The following MRPL19 variants were observed in gnomAD, a reference collection of about 807,000 sequenced individuals.
The protein encoded by MRPL19 is mitochondrial ribosomal protein L19.
Under a neutral mutation model 34.0 loss-of-function variants are expected in MRPL19, and 31 were observed. That is an observed-to-expected ratio of 0.91 (90% confidence interval 0.68 to 1.23). The LOEUF is 1.23. MRPL19 is among the 50% of genes most tolerant of loss of function. The pLI is 0.00. For synonymous variants in MRPL19, 152 were observed against 127.7 expected (o/e 1.19, Z -1.28); for missense variants, 384 against 367.6 (o/e 1.04, Z -0.37).
intron 5 of MRPL19, 28 bp from the exon 6 acceptor site, chr2:75,655,030 CTTTTTT>C (rs35367062): frequency 6.7e-5 from 78 of 1,156,626 alleles, no homozygotes; most frequent in Non-Finnish European, 7.7e-5. Flanking sequence ...CTAATTATTG[CTTTTTT>C]TTTTTTTTTT....
intron 2 of MRPL19, chr2:75,651,385 G>A (rs11688959): frequency 0.24 from 126,044 of 535,424 alleles, 16,629 homozygotes; most frequent in Admixed American, 0.27. Flanking sequence ...ATATGTACCT[G>A]GCTTAAAGTT....
At position 75,655,567 on chromosome 2, in the gene MRPL19, T is replaced by A; in HGVS notation, c.*282T>A. 3.6e-6 allele frequency: 1 copy of A among 277,908 alleles called. No homozygotes were observed. 17.2% of individuals were successfully genotyped at this position (277,908 alleles called of 1,614,324 possible). A position where few individuals can be genotyped will look rare whatever the true frequency, so the allele number is the denominator to read the frequency against. On this transcript the variant is annotated 3_prime_UTR_variant, in exon 6 of 6. Coordinates refer to ENST00000393909, the MANE Select transcript of MRPL19 (RefSeq NM_014763.4). ...AATGGTCTTTAATGAGCATGGAACC[T>A]GAGCAAAGGGAATAGGTGGGATGAA...
chr2:75,647,875 T>C (rs1300806137), intron 2 of MRPL19, among the ~76,000 whole-genome samples: 1 of 152,060 alleles, frequency 6.6e-6, no homozygotes, highest in Non-Finnish European at 1.5e-5. Context: ...ACTTCTGGGA[T>C]TTTTAATTTT....
At chr2:75,647,895 T>A (rs551624123) in intron 2 of MRPL19, among the ~76,000 whole-genome samples, 9 of 152,290 alleles carry the variant, frequency 5.9e-5, no homozygotes, top group African/African-American at 1.9e-4. Context: ...TTTTATTTTT[T>A]AAATTTTTTT....
chr2:75,646,978 C>G, intron 1 of MRPL19, 68 bp downstream of exon 1: 1 of 1,492,578 alleles, frequency 6.7e-7, no homozygotes, highest in Non-Finnish European at 9.0e-7. Context: ...GGAGGCGAAC[C>G]TGGAGATCAG....
chr2:75,652,342 AAAG>A (rs1678349910), intron 3 of MRPL19, 82 bp downstream of exon 3: 3 of 1,332,746 alleles, frequency 2.3e-6, no homozygotes, highest in Admixed American at 4.4e-5. Context: ...TTAAAAAGCA[AAAG>A]AAGATTGTTT....
Position 75,658,603 on chromosome 2 carries a change from CAT to C in MRPL19, c.*3319_*3320del, listed in dbSNP as rs1383994459. Among the ~76,000 whole-genome samples the C allele has an allele frequency of 6.6e-6, 1 of 152,102 alleles. No homozygotes were observed. Among genetic ancestry groups the C allele is most frequent in the Non-Finnish European group, 1.5e-5 (1 of 67,994 alleles). On this transcript the variant is annotated 3_prime_UTR_variant, in exon 6 of 6. Coordinates refer to ENST00000393909, the MANE Select transcript of MRPL19 (RefSeq NM_014763.4). The stretch of plus-strand genomic sequence containing the variant: ...CCCTGGTTGAGTGTGTTAATTTCTA[CAT>C]GTTTATGAATTTCCCACTGTTTTTT...
rs1678417650 is a variant in MRPL19, at chr2:75,655,121, A to G, written c.715A>G (p.Asn239Asp). ...WSKRWERPNFNIKGIRFDLCL... is the reference protein window; with the variant it reads ...WSKRWERPNFDIKGIRFDLCL... ...TAAACGCTGGGAACGTCCAAATTTTAATATTAAAGGAATCAGATTTGATCT... is the reference window on the plus strand; with the variant it reads ...TAAACGCTGGGAACGTCCAAATTTTGATATTAAAGGAATCAGATTTGATCT... Residue 239 changes from asparagine to aspartate, a missense_variant, in exon 6 of 6, where the codon AAT (asparagine) becomes GAT (aspartate). Transcript: ENST00000393909. 3 of 1,611,892 alleles carry G rather than the reference A, an allele frequency of 1.9e-6. No homozygotes were observed. The highest frequency in any genetic ancestry group is 2.5e-6 in the Non-Finnish European group (3 of 1,179,488).
chr2:75,652,228 G>GA lies in MRPL19; in HGVS notation c.312dup (p.Val105SerfsTer19). On this transcript the variant is annotated frameshift_variant, in exon 3 of 6. Coordinates refer to ENST00000393909, the MANE Select transcript of MRPL19 (RefSeq NM_014763.4). LOFTEE classifies it high-confidence loss of function. ...GAAAGAAAAGATATGTTAGAAAGGA[G>GA]AAAAGTACTCCACATTCCAGAGTTC... The GA allele has an allele frequency of 1.9e-6, 3 of 1,597,418 alleles. No individual in the cohort carries two copies. Among genetic ancestry groups the GA allele is most frequent in the Non-Finnish European group, 2.6e-6 (3 of 1,168,304 alleles).
chr2:75,659,641 A>T lies in MRPL19; in HGVS notation c.*4356A>T, dbSNP rs544796350. ...TATTTTTGATGGATAATTTTGCCAG[A>T]TACATGAATTTTTGGTAACAGTATT... On this transcript the variant is annotated 3_prime_UTR_variant, in exon 6 of 6. Transcript: ENST00000393909. Among the ~76,000 whole-genome samples, 8 of 152,260 alleles carry T rather than the reference A, an allele frequency of 5.3e-5. No individual in the cohort carries two copies. The highest frequency in any genetic ancestry group is 1.7e-4 in the African/African-American group (7 of 41,562).
In MRPL19 at chr2:75,659,898, A is replaced by C. The variant is rs868557087; in HGVS notation, c.*4613A>C. On this transcript the variant is annotated 3_prime_UTR_variant, in exon 6 of 6. Coordinates refer to ENST00000393909, the MANE Select transcript of MRPL19 (RefSeq NM_014763.4). ...AGTTTGTTGAGTTTCTTGGAGTCAT[A>C]GATTTATGTCTTTTATCAAATTTTG... is the stretch of plus-strand genomic sequence containing the variant. Among the ~76,000 whole-genome samples the C allele has an allele frequency of 6.6e-6, 1 of 152,080 alleles. No individual in the cohort carries two copies. The highest frequency in any genetic ancestry group is 1.5e-5 in the Non-Finnish European group (1 of 67,992).
intron 2 of MRPL19, among the ~76,000 whole-genome samples, chr2:75,649,399 T>G (rs966076618): frequency 3.9e-5 from 6 of 152,082 alleles, no homozygotes; most frequent in African/African-American, 7.2e-5. Context: ...TTAAAACATA[T>G]GAGATTTTTT....
rs550118301 is a variant in MRPL19, at chr2:75,656,090, T to G, written c.*805T>G. 3.3e-5 allele frequency: 5 copies of G among 152,320 alleles called. No homozygotes were observed. Among genetic ancestry groups the G allele is most frequent in the African/African-American group, 1.2e-4 (5 of 41,584 alleles). The allele number at this position is 152,320 out of a possible 1,614,324, so 9.4% of individuals were successfully genotyped here. ...CACCACAAGGTATCTGGCAGGATTA[T>G]ACTGGGTAGCTGGATGTTGCAGAAA... On this transcript the variant is annotated 3_prime_UTR_variant, in exon 6 of 6. Coordinates refer to ENST00000393909, the MANE Select transcript of MRPL19 (RefSeq NM_014763.4).
chr2:75,647,381 A>G, intron 2 of MRPL19, 162 bp downstream of exon 2: 3 of 636,122 alleles, frequency 4.7e-6, no homozygotes, highest in Non-Finnish European at 5.2e-6. Flanking sequence ...TTTCTTTCTC[A>G]CTTCTCCCCA....
intron 2 of MRPL19, among the ~76,000 whole-genome samples, chr2:75,649,404 T>C (rs1326190629): frequency 6.6e-6 from 1 of 151,954 alleles, no homozygotes; most frequent in East Asian, 1.9e-4. Flanking sequence ...ACATATGAGA[T>C]TTTTTTTGTG....
chr2:75,649,824 G>A (rs72916049), intron 2 of MRPL19, among the ~76,000 whole-genome samples: 2,489 of 152,110 alleles, frequency 0.016, 85 homozygotes, highest in African/African-American at 0.058. Context: ...TGTAGAATGA[G>A]GTCTCACTAT....
rs536102392 is a variant in MRPL19, at chr2:75,661,402, T to G, written c.*6117T>G. ...GTCTTGAACTTCTGGCCTCAAGCCA[T>G]CCTCTCATTTCAGCTTCCCAAAGTG... On this transcript the variant is annotated 3_prime_UTR_variant, in exon 6 of 6. Transcript: ENST00000393909. The G allele has an allele frequency of 6.6e-6, 1 of 152,266 alleles. No homozygotes were observed. Among genetic ancestry groups the G allele is most frequent in the Admixed American group, 6.5e-5 (1 of 15,274 alleles). The allele number at this position is 152,266 out of a possible 1,614,324, so 9.4% of individuals were successfully genotyped here.
chr2:75,652,716 G>A, intron 4 of MRPL19, 59 bp downstream of exon 4: 1 of 1,540,662 alleles, frequency 6.5e-7, no homozygotes, highest in Non-Finnish European at 8.8e-7. Flanking sequence ...ATTCCTTTTT[G>A]TTTCTGCATC....
At chr2:75,654,587 A>C (rs1678397269) in intron 4 of MRPL19, 149 bp from the exon 5 acceptor site, 1 of 620,972 alleles carries the variant, frequency 1.6e-6, no homozygotes, top group African/African-American at 1.9e-5. Flanking sequence ...TCTTTCAGTA[A>C]TCTTTATCTT....
Sources: allele counts gnomAD v4.1 joint callset (sites outside exome capture counted in the v4.1 genomes callset), GRCh38; gene constraint gnomAD v4.1.1; transcripts MANE v1.5; gene names NCBI Gene and HGNC (gene_info 2026-07-23, HGNC 2026-07-21).